Variants in AGTPBP1 observed in about 807,000 individuals in gnomAD.
AGTPBP1 encodes cytosolic carboxypeptidase 1.
Under a neutral mutation model 143.9 loss-of-function variants are expected in AGTPBP1, and 70 were observed. That is an observed-to-expected ratio of 0.49 (90% confidence interval 0.40 to 0.59). The LOEUF is 0.59. AGTPBP1 is among the 20% of genes least tolerant of loss of function. The pLI, the probability that AGTPBP1 is intolerant of heterozygous loss-of-function variation, is 0.00. For synonymous variants in AGTPBP1, 463 were observed against 500.2 expected (o/e 0.93, Z 0.99); for missense variants, 1,229 against 1,464.5 (o/e 0.84, Z 2.62).
At chr9:85,773,512 T>TA in the AGTPBP1 span, among the ~76,000 whole-genome samples, 2 of 151,078 alleles carry the variant, frequency 1.3e-5, no homozygotes, top group East Asian at 2.0e-4. Context: ...TTTATATATA[T>TA]TTTTTAGTAG....
intron 25 of AGTPBP1, among the ~76,000 whole-genome samples, chr9:85,563,529 A>G (rs1826878670): frequency 6.6e-6 from 1 of 152,206 alleles, no homozygotes; most frequent in Admixed American, 6.5e-5. Flanking sequence ...GATTGCTTAT[A>G]GTAAAATGCA....
chr9:85,625,659 G>A (rs1326979797), intron 14 of AGTPBP1, among the ~76,000 whole-genome samples: 1 of 151,846 alleles, frequency 6.6e-6, no homozygotes, highest in Non-Finnish European at 1.5e-5. Flanking sequence ...GCTGAGGTGG[G>A]CAGAACACGA....
intron 17 of AGTPBP1, among the ~76,000 whole-genome samples, chr9:85,612,030 C>T (rs1830346664): frequency 6.6e-6 from 1 of 152,136 alleles, no homozygotes; most frequent in African/African-American, 2.4e-5. Flanking sequence ...TCTCTACCCC[C>T]CAGTTCCTGG....
chr9:85,579,936 G>A (rs1236957178), intron 23 of AGTPBP1, among the ~76,000 whole-genome samples: 3 of 151,518 alleles, frequency 2.0e-5, no homozygotes, highest in Non-Finnish European at 1.5e-5. Flanking sequence ...TAGTAAACAT[G>A]GAACTGTACT....
the AGTPBP1 span, chr9:85,753,261 T>C: frequency 6.2e-7 from 1 of 1,607,518 alleles, no homozygotes; most frequent in Non-Finnish European, 8.5e-7. Flanking sequence ...TACTTAATGG[T>C]CAGGTGTAAA....
At chr9:85,761,500 C>T in the AGTPBP1 span, among the ~76,000 whole-genome samples, 126 of 152,264 alleles carry the variant, frequency 8.3e-4, 1 homozygote, top group African/African-American at 8.4e-4. Context: ...CTTTGACAAA[C>T]CTGACAAAAA....
chr9:85,601,302 C>T (rs1240233764), intron 17 of AGTPBP1, among the ~76,000 whole-genome samples: 1 of 152,140 alleles, frequency 6.6e-6, no homozygotes, highest in Non-Finnish European at 1.5e-5. Flanking sequence ...TAGGGATCAC[C>T]CAGCCGTCCT....
chr9:85,623,634 G>A (rs573470581), intron 14 of AGTPBP1, among the ~76,000 whole-genome samples: 1 of 152,040 alleles, frequency 6.6e-6, no homozygotes, highest in East Asian at 1.9e-4. Context: ...GCGGGTGCCT[G>A]TAATCCCAGC....
intron 2 of AGTPBP1, among the ~76,000 whole-genome samples, chr9:85,693,506 G>A (rs1836018485): frequency 2.0e-5 from 3 of 152,268 alleles, no homozygotes; most frequent in Admixed American, 2.0e-4. Flanking sequence ...GCTGAGACAG[G>A]AGAATTGCTT....
chr9:85,777,505 A>G, the AGTPBP1 span, among the ~76,000 whole-genome samples: 1 of 152,304 alleles, frequency 6.6e-6, no homozygotes, highest in East Asian at 1.9e-4. Context: ...CCCTGCCACC[A>G]TGGCCACTTT....
chr9:85,726,715 T>G (rs1399291418), intron 1 of AGTPBP1, among the ~76,000 whole-genome samples: 1 of 152,164 alleles, frequency 6.6e-6, no homozygotes, highest in Non-Finnish European at 1.5e-5. Context: ...AAAAGACACT[T>G]AAATACAAAT....
At chr9:85,727,262 G>A (rs1346058775) in intron 1 of AGTPBP1, among the ~76,000 whole-genome samples, 4 of 152,306 alleles carry the variant, frequency 2.6e-5, no homozygotes, top group African/African-American at 4.8e-5. Context: ...AGGAGATGGA[G>A]GCTGAAGTGA....
intron 2 of AGTPBP1, among the ~76,000 whole-genome samples, chr9:85,701,954 T>A (rs920365664): frequency 6.6e-6 from 1 of 152,244 alleles, no homozygotes; most frequent in Non-Finnish European, 1.5e-5. Context: ...AAATTGAAGG[T>A]GAACAGTCTT....
At chr9:85,720,969 T>C (rs377181107) in intron 1 of AGTPBP1, among the ~76,000 whole-genome samples, 4 of 152,180 alleles carry the variant, frequency 2.6e-5, no homozygotes, top group Admixed American at 2.6e-4. Flanking sequence ...CATGTAGTTG[T>C]GCAGTTTTGA....
rs761261395 is a variant in AGTPBP1 at position 85,604,867 on chromosome 9, C to T, written c.2336-8418G>A. ...TGAAGAATGCATTATAGTGTCTCAG[C>T]GGCAGAATTGATCAAGTAGAAGAAA... On this transcript the variant is annotated intron_variant, in intron 17 of 25. Transcript: ENST00000357081. Among the ~76,000 whole-genome samples the T allele has an allele frequency of 6.9e-4, 105 of 151,956 alleles. 1 individual carries two copies. The highest frequency in any genetic ancestry group is 3.3e-4 in the Admixed American group (5 of 15,266).
chr9:85,781,975 G>A, the AGTPBP1 span, among the ~76,000 whole-genome samples: 10 of 152,156 alleles, frequency 6.6e-5, no homozygotes, highest in East Asian at 1.9e-3. Flanking sequence ...TGAATAGAGA[G>A]GAATCAATAT....
In AGTPBP1 at chr9:85,741,857, G is replaced by T. The variant is rs866934264; in HGVS notation, c.-116C>A. Reference sequence around the variant, plus strand: ...CCTGGATCACGGCGGATCCCTCGCCGCCCGCCGCCCGGTGTTTTCATACAA... The same window carrying T: ...CCTGGATCACGGCGGATCCCTCGCCTCCCGCCGCCCGGTGTTTTCATACAA... On this transcript the variant is annotated 5_prime_UTR_variant, in exon 1 of 26. Transcript: ENST00000357081. 5.1e-5 allele frequency: 71 copies of T among 1,396,652 alleles called. No homozygotes were observed. Among genetic ancestry groups the T allele is most frequent in the Non-Finnish European group, 6.3e-5 (68 of 1,076,894 alleles). The allele number at this position is 1,396,652 out of a possible 1,614,324, so 86.5% of individuals were successfully genotyped here.
chr9:85,579,153 T>C lies in AGTPBP1; in HGVS notation c.3166-57A>G, dbSNP rs1484257450. 13 of 1,497,374 alleles carry C rather than the reference T, an allele frequency of 8.7e-6. No individual in the cohort carries two copies. The Admixed American group carries it at 3.1e-4, about 36-fold the overall frequency. 92.8% of individuals were successfully genotyped at this position (1,497,374 alleles called of 1,614,324 possible). A position where few individuals can be genotyped will look rare whatever the true frequency, so the allele number is the denominator to read the frequency against. On this transcript the variant is annotated intron_variant, in intron 23 of 25. Transcript: ENST00000357081. ...AAACCAAGTTTTTAATTTTAAATGT[T>C]TTTAATTTTAAAAAGTTTTGATGAA...
chr9:85,799,419 A>G, the AGTPBP1 span, among the ~76,000 whole-genome samples: 1 of 152,168 alleles, frequency 6.6e-6, no homozygotes, highest in Non-Finnish European at 1.5e-5. Flanking sequence ...GTCCTCCACA[A>G]TGGTTGAACT....
Sources: allele counts gnomAD v4.1 joint callset (sites outside exome capture counted in the v4.1 genomes callset), GRCh38; gene constraint gnomAD v4.1.1; transcripts MANE v1.5; gene names NCBI Gene and HGNC (gene_info 2026-07-23, HGNC 2026-07-21).